The following P3H2 variants were observed in gnomAD, a reference collection of about 807,000 sequenced individuals.
The protein encoded by P3H2 is leprecan-like 1.
A neutral mutation model predicts 87.0 loss-of-function variants in P3H2; 80 were observed. That is an observed-to-expected ratio of 0.92 (90% CI 0.77 to 1.11). The LOEUF (loss-of-function observed/expected upper bound fraction) is 1.11. Among genes scored for constraint, P3H2 ranks in the 50% least tolerant of loss-of-function variants. The pLI is 0.00. For synonymous variants in P3H2, 367 were observed against 359.3 expected (o/e 1.02, Z -0.24); for missense variants, 1,001 against 923.9 (o/e 1.08, Z -1.08).
At chr3:189,961,640 A>T (rs1235581967) in intron 14 of P3H2, among the ~76,000 whole-genome samples, 2 of 152,144 alleles carry the variant, frequency 1.3e-5, no homozygotes, top group Non-Finnish European at 2.9e-5. Context: ...CGATCAATAG[A>T]TGATCTCCAC....
At chr3:190,048,456 C>G (rs1725874410) in intron 1 of P3H2, among the ~76,000 whole-genome samples, 2 of 152,128 alleles carry the variant, frequency 1.3e-5, no homozygotes, top group Admixed American at 1.3e-4. Flanking sequence ...GAGATCACAC[C>G]ACTGCACTCC....
intron 7 of P3H2, 44 bp downstream of exon 7, chr3:189,984,506 A>G (rs1332453965): frequency 1.4e-6 from 2 of 1,415,588 alleles, no homozygotes; most frequent in Non-Finnish European, 2.0e-6. Context: ...GACACTAAGT[A>G]TTTCTCCTCA....
chr3:189,998,041 A>G (rs1203057780), intron 1 of P3H2, among the ~76,000 whole-genome samples: 1 of 152,244 alleles, frequency 6.6e-6, no homozygotes, highest in Non-Finnish European at 1.5e-5. Context: ...CAACTGTGAA[A>G]TACATATGAA....
At chr3:190,047,615 A>G (rs912714482) in intron 1 of P3H2, among the ~76,000 whole-genome samples, 3 of 152,200 alleles carry the variant, frequency 2.0e-5, no homozygotes, top group African/African-American at 7.2e-5. Context: ...CTGTGAAGAA[A>G]CATTTGCAGC....
chr3:189,999,096 A>G (rs891341570), intron 1 of P3H2, among the ~76,000 whole-genome samples: 1 of 152,222 alleles, frequency 6.6e-6, no homozygotes, highest in African/African-American at 2.4e-5. Flanking sequence ...AAGTTTGTAC[A>G]TTTAATAAAA....
At chr3:190,073,065 G>C (rs1400240707) in intron 1 of P3H2, among the ~76,000 whole-genome samples, 1 of 152,198 alleles carries the variant, frequency 6.6e-6, no homozygotes, top group African/African-American at 2.4e-5. Context: ...TGGTATAAAA[G>C]AGGTAATAGA....
intron 1 of P3H2, among the ~76,000 whole-genome samples, chr3:190,034,454 TA>T (rs1315717876): frequency 6.6e-6 from 1 of 152,214 alleles, no homozygotes; most frequent in Non-Finnish European, 1.5e-5. Context: ...TTCAGATATG[TA>T]AAAAACATAG....
At chr3:190,079,338 CAAAA>C (rs900014940) in intron 1 of P3H2, among the ~76,000 whole-genome samples, 4 of 128,176 alleles carry the variant, frequency 3.1e-5, no homozygotes, top group African/African-American at 5.9e-5. Flanking sequence ...GACTCTGTCT[CAAAA>C]AATAAATAAA....
At position 190,020,920 on chromosome 3, in the gene P3H2, G is replaced by A. The variant is rs1724912233; in HGVS notation, c.481-25478C>T. 2.2e-5 allele frequency among the ~76,000 whole-genome samples: 3 copies of A among 134,408 alleles called. 1 individual carries two copies. The Admixed American group carries it at 2.3e-4, about 10-fold the overall frequency. The allele number at this position is 134,408 out of a possible 152,430, so 88.2% of individuals were successfully genotyped here. On this transcript the variant is annotated intron_variant, in intron 1 of 14. Coordinates refer to ENST00000319332, the MANE Select transcript of P3H2 (RefSeq NM_018192.4). ...GTAAAAGCTGGATGGCTATGGAACTGCAAGGAACTTTTAAGTATAGTTTAG... is the reference window on the plus strand; with the variant it reads ...GTAAAAGCTGGATGGCTATGGAACTACAAGGAACTTTTAAGTATAGTTTAG...
At chr3:189,958,935 C>G (rs1377247541) in intron 14 of P3H2, among the ~76,000 whole-genome samples, 1 of 151,876 alleles carries the variant, frequency 6.6e-6, no homozygotes, top group Non-Finnish European at 1.5e-5. Flanking sequence ...GTGATCCACC[C>G]GCCTCGCCCT....
chr3:190,009,226 G>A (rs1724489541), intron 1 of P3H2, among the ~76,000 whole-genome samples: 1 of 152,154 alleles, frequency 6.6e-6, no homozygotes. Flanking sequence ...GTGGGGTGGG[G>A]TTTGAAAGTT....
rs570943233 is a variant in P3H2, at chr3:190,115,151, T to C, written c.480+5101A>G. On this transcript the variant is annotated intron_variant, in intron 1 of 14. Coordinates refer to ENST00000319332, the MANE Select transcript of P3H2 (RefSeq NM_018192.4). Reference sequence around the variant, plus strand: ...GAATTGTCTAATGTAATTGTGTCTTTATTTTTCCCCTTCCTTTTAATCCTA... The same window carrying C: ...GAATTGTCTAATGTAATTGTGTCTTCATTTTTCCCCTTCCTTTTAATCCTA... Among the ~76,000 whole-genome samples the C allele has an allele frequency of 9.8e-5, 15 of 152,342 alleles. No individual in the cohort carries two copies. In the South Asian group the frequency reaches 3.1e-3, roughly 32 times the overall value.
chr3:189,968,349 GT>G (rs1723065398), intron 13 of P3H2, among the ~76,000 whole-genome samples: 1 of 152,060 alleles, frequency 6.6e-6, no homozygotes, highest in African/African-American at 2.4e-5. Flanking sequence ...GTGGTGTTTG[GT>G]TTTCTGTTCC....
intron 1 of P3H2, among the ~76,000 whole-genome samples, chr3:190,045,474 C>G (rs1238728029): frequency 6.6e-6 from 1 of 152,086 alleles, no homozygotes; most frequent in Non-Finnish European, 1.5e-5. Context: ...TCCTTCCCCC[C>G]AACCAAATCC....
At chr3:190,075,485 CAA>C (rs58622114) in intron 1 of P3H2, among the ~76,000 whole-genome samples, 22 of 118,908 alleles carry the variant, frequency 1.9e-4, no homozygotes, top group African/African-American at 5.1e-4. Context: ...AACTCCGTCT[CAA>C]AAAAAAAAAA....
chr3:190,008,735 G>C (rs541074443), intron 1 of P3H2, among the ~76,000 whole-genome samples: 10 of 152,222 alleles, frequency 6.6e-5, no homozygotes, highest in South Asian at 2.1e-4. Flanking sequence ...AGGTTCTAAA[G>C]CTCAGGCTGC....
chr3:190,062,497 C>A (rs1474184408), intron 1 of P3H2, among the ~76,000 whole-genome samples: 2 of 152,130 alleles, frequency 1.3e-5, no homozygotes, highest in African/African-American at 2.4e-5. Flanking sequence ...AACTGTGGCC[C>A]ATACATTACC....
intron 3 of P3H2, among the ~76,000 whole-genome samples, chr3:189,992,470 A>G (rs562399757): frequency 6.6e-6 from 1 of 152,328 alleles, no homozygotes; most frequent in East Asian, 1.9e-4. Flanking sequence ...CTGGCATTTC[A>G]GTAAGTAAAT....
intron 14 of P3H2, among the ~76,000 whole-genome samples, chr3:189,963,174 G>A (rs1722866612): frequency 6.6e-6 from 1 of 152,152 alleles, no homozygotes; most frequent in Non-Finnish European, 1.5e-5. Context: ...TCCACAGGTG[G>A]AGACTATGAC....
Sources: allele counts gnomAD v4.1 joint callset (sites outside exome capture counted in the v4.1 genomes callset), GRCh38; gene constraint gnomAD v4.1.1; transcripts MANE v1.5; gene names NCBI Gene and HGNC (gene_info 2026-07-23, HGNC 2026-07-21).